BTRC: variants seen among roughly 807,000 people sequenced by gnomAD.
The protein encoded by BTRC is F-box/WD repeat-containing protein 1A.
A neutral mutation model predicts 85.5 loss-of-function variants in BTRC; 42 were observed. The observed-to-expected ratio is 0.49, with a 90% CI of 0.38 to 0.64. The LOEUF is 0.64. Ranked by LOEUF, BTRC falls within the 30% of genes least tolerant of loss-of-function variation. The probability of loss-of-function intolerance (pLI) is 0.00; values close to 1 mark genes in which losing one functional copy is unlikely to be tolerated. For synonymous variants in BTRC, 255 were observed against 263.3 expected (o/e 0.97, Z 0.30); for missense variants, 594 against 743.5 (o/e 0.80, Z 2.34).
intron 13 of BTRC, among the ~76,000 whole-genome samples, chr10:101,541,852 G>T (rs2062474135): frequency 6.6e-6 from 1 of 152,010 alleles, no homozygotes. Flanking sequence ...AAGGATTTTT[G>T]TGTGTGTGTG....
intron 4 of BTRC, among the ~76,000 whole-genome samples, chr10:101,509,698 A>G (rs1297911105): frequency 6.8e-6 from 1 of 146,686 alleles, no homozygotes; most frequent in African/African-American, 2.5e-5. Flanking sequence ...GACTACAGGC[A>G]TGCACCACCA....
At chr10:101,470,409 T>C (rs916903829) in intron 3 of BTRC, among the ~76,000 whole-genome samples, 1 of 148,814 alleles carries the variant, frequency 6.7e-6, no homozygotes, top group African/African-American at 2.5e-5. Context: ...CTCGGCTCAC[T>C]GCAACCTCTG....
At chr10:101,443,195 T>C (rs896885560) in intron 2 of BTRC, among the ~76,000 whole-genome samples, 1 of 152,136 alleles carries the variant, frequency 6.6e-6, no homozygotes, top group Non-Finnish European at 1.5e-5. Context: ...GTTGTTCTAC[T>C]TAATAGTTTA....
At chr10:101,512,380 C>G (rs2061968386) in intron 4 of BTRC, among the ~76,000 whole-genome samples, 1 of 152,186 alleles carries the variant, frequency 6.6e-6, no homozygotes, top group African/African-American at 2.4e-5. Context: ...TCTTTCTTGT[C>G]ATAAATACTT....
At chr10:101,489,295 C>G (rs1463665817) in intron 4 of BTRC, among the ~76,000 whole-genome samples, 2 of 152,012 alleles carry the variant, frequency 1.3e-5, no homozygotes, top group African/African-American at 4.8e-5. Flanking sequence ...GCAACCCAGA[C>G]AACTCTTTAA....
intron 1 of BTRC, among the ~76,000 whole-genome samples, chr10:101,379,284 A>T (rs1183378626): frequency 6.6e-6 from 1 of 152,244 alleles, no homozygotes; most frequent in East Asian, 1.9e-4. Flanking sequence ...TATGCACCTC[A>T]TCAATAAACT....
chr10:101,493,900 G>C (rs1298470555), intron 4 of BTRC, among the ~76,000 whole-genome samples: 1 of 152,190 alleles, frequency 6.6e-6, no homozygotes, highest in African/African-American at 2.4e-5. Flanking sequence ...GCCTTTGGAT[G>C]CCACAAAAGA....
intron 13 of BTRC, among the ~76,000 whole-genome samples, chr10:101,539,741 A>G (rs1179126516): frequency 6.6e-6 from 1 of 152,208 alleles, no homozygotes; most frequent in Non-Finnish European, 1.5e-5. Flanking sequence ...AAATTTTTAG[A>G]AACTGCCAAA....
At chr10:101,492,977 C>T (rs534664826) in intron 4 of BTRC, among the ~76,000 whole-genome samples, 1 of 152,204 alleles carries the variant, frequency 6.6e-6, no homozygotes, top group East Asian at 1.9e-4. Context: ...ATTTTTTAGT[C>T]AGCAGTTTAG....
chr10:101,522,408 C>CTTTTT (rs1249866195), intron 5 of BTRC, among the ~76,000 whole-genome samples: 3 of 33,350 alleles, frequency 9.0e-5, no homozygotes, highest in South Asian at 2.1e-3. Flanking sequence ...AATAAAGACT[C>CTTTTT]CTTTTTTTTT....
intron 3 of BTRC, among the ~76,000 whole-genome samples, chr10:101,472,651 C>T (rs561671535): frequency 2.5e-4 from 38 of 152,112 alleles, no homozygotes; most frequent in African/African-American, 8.7e-4. Flanking sequence ...CCTGTCTCTA[C>T]TAAAAATACA....
chr10:101,436,558 T>C (rs1016384133), intron 2 of BTRC, among the ~76,000 whole-genome samples: 1 of 151,822 alleles, frequency 6.6e-6, no homozygotes, highest in Non-Finnish European at 1.5e-5. Context: ...AAGGCTGCAG[T>C]GAGCCATGAT....
In BTRC at chr10:101,532,892, A is replaced by G; in HGVS notation, c.979-60A>G. ...GGGGATCAGACACGTAATAGGACCA[A>G]CAAGTCTCCACAGCACCCCATCATC... On this transcript the variant is annotated intron_variant, in intron 8 of 14. Coordinates refer to ENST00000370187, the MANE Select transcript of BTRC (RefSeq NM_033637.4). 10 of 1,333,894 alleles carry G rather than the reference A, an allele frequency of 7.5e-6. No individual in the cohort carries two copies. In the South Asian group the frequency reaches 1.1e-4, roughly 14 times the overall value. 82.6% of individuals were successfully genotyped at this position (1,333,894 alleles called of 1,614,324 possible). A position where few individuals can be genotyped will look rare whatever the true frequency, so the allele number is the denominator to read the frequency against.
At chr10:101,531,657 G>A (rs2062282976) in intron 7 of BTRC, among the ~76,000 whole-genome samples, 1 of 152,082 alleles carries the variant, frequency 6.6e-6, no homozygotes. Context: ...GGAGGCACAT[G>A]TTGCAGTGAG....
chr10:101,422,269 C>G (rs1163220677), intron 1 of BTRC, among the ~76,000 whole-genome samples: 3 of 152,194 alleles, frequency 2.0e-5, no homozygotes, highest in African/African-American at 7.2e-5. Context: ...TAAATGTCTT[C>G]TTCTGAGAAG....
chr10:101,518,005 C>T (rs555904899), intron 4 of BTRC, among the ~76,000 whole-genome samples: 3 of 149,580 alleles, frequency 2.0e-5, no homozygotes, highest in Non-Finnish European at 4.5e-5. Flanking sequence ...CTCCGCCTCC[C>T]GGGTTCACGC....
intron 1 of BTRC, among the ~76,000 whole-genome samples, chr10:101,420,245 C>T (rs1485129157): frequency 6.6e-6 from 1 of 151,754 alleles, no homozygotes; most frequent in African/African-American, 2.4e-5. Context: ...TCTTATTATC[C>T]TTTGTATTTG....
chr10:101,473,770 C>G (rs879371546), intron 3 of BTRC, among the ~76,000 whole-genome samples: 15 of 151,702 alleles, frequency 9.9e-5, no homozygotes, highest in Admixed American at 2.6e-4. Context: ...CCAATTTTTT[C>G]TATTTTTTGT....
chr10:101,552,793 C>T (rs1009684832), intron 14 of BTRC, among the ~76,000 whole-genome samples: 3 of 152,198 alleles, frequency 2.0e-5, no homozygotes, highest in African/African-American at 7.2e-5. Context: ...CTGGCACCGC[C>T]ATGCTCATGG....
Sources: allele counts gnomAD v4.1 joint callset (sites outside exome capture counted in the v4.1 genomes callset), GRCh38; gene constraint gnomAD v4.1.1; transcripts MANE v1.5; gene names NCBI Gene and HGNC (gene_info 2026-07-23, HGNC 2026-07-21).